The following MYO10 variants were observed in gnomAD, a reference collection of about 807,000 sequenced individuals.
MYO10 encodes myosin X.
MYO10 carries 133 observed loss-of-function variants against 257.3 expected under a neutral mutation model. That is an observed-to-expected ratio of 0.52 (90% CI 0.45 to 0.60). MYO10 has a LOEUF of 0.60. Among genes scored for constraint, MYO10 ranks in the 20% least tolerant of loss-of-function variants. The pLI is 0.00. For synonymous variants in MYO10, 1,104 were observed against 1,028.6 expected (o/e 1.07, Z -1.40); for missense variants, 2,399 against 2,635.7 (o/e 0.91, Z 1.97).
intron 1 of MYO10, among the ~76,000 whole-genome samples, chr5:16,891,075 G>C (rs1200247827): frequency 6.6e-6 from 1 of 151,706 alleles, no homozygotes; most frequent in Non-Finnish European, 1.5e-5. Flanking sequence ...ATGAGGTCAG[G>C]TGTTAGAGAC....
chr5:16,719,989 C>CGTGCGTGTGTGTGTGTGT (rs1554039262), intron 19 of MYO10, among the ~76,000 whole-genome samples: 5 of 143,442 alleles, frequency 3.5e-5, no homozygotes, highest in African/African-American at 1.3e-4. Context: ...TGTGTGCGTG[C>CGTGCGTGTGTGTGTGTGT]GTGTGTGTGT....
At chr5:16,746,054 T>C (rs1026317190) in intron 19 of MYO10, among the ~76,000 whole-genome samples, 6 of 152,224 alleles carry the variant, frequency 3.9e-5, no homozygotes, top group African/African-American at 7.2e-5. Flanking sequence ...GGCTACTCCA[T>C]AGACACAGCA....
intron 27 of MYO10, among the ~76,000 whole-genome samples, chr5:16,693,940 G>A (rs1737619941): frequency 6.6e-6 from 1 of 152,190 alleles, no homozygotes; most frequent in African/African-American, 2.4e-5. Flanking sequence ...TAACAGAAGA[G>A]AAGTGATTTA....
chr5:16,746,376 G>A (rs1483163903), intron 19 of MYO10, among the ~76,000 whole-genome samples: 2 of 152,108 alleles, frequency 1.3e-5, no homozygotes, highest in Admixed American at 6.6e-5. Flanking sequence ...GAATGGCTGC[G>A]TCTGAGAATG....
At chr5:16,815,583 G>A in intron 3 of MYO10, 1 of 631,284 alleles carries the variant, frequency 1.6e-6, no homozygotes, top group Non-Finnish European at 2.8e-6. Context: ...ACTACCAGGT[G>A]CCTGGCAGTG....
intron 27 of MYO10, among the ~76,000 whole-genome samples, chr5:16,694,106 C>A (rs1003278162): frequency 6.6e-6 from 1 of 152,222 alleles, no homozygotes; most frequent in African/African-American, 2.4e-5. Flanking sequence ...CATTCAATTC[C>A]GTTTCCACCA....
At chr5:16,675,713 GA>G (rs1736692715) in intron 34 of MYO10, among the ~76,000 whole-genome samples, 1 of 152,094 alleles carries the variant, frequency 6.6e-6, no homozygotes, top group Admixed American at 6.6e-5. Flanking sequence ...ACCCCAGCCT[GA>G]GTGACAGAGT....
intron 2 of MYO10, among the ~76,000 whole-genome samples, chr5:16,872,282 A>C (rs937804873): frequency 7.9e-5 from 12 of 152,230 alleles, no homozygotes; most frequent in Admixed American, 1.3e-4. Flanking sequence ...AAGTGAAATA[A>C]ACCAGCCACA....
chr5:16,855,975 C>T (rs1313937454), intron 2 of MYO10, among the ~76,000 whole-genome samples: 1 of 152,210 alleles, frequency 6.6e-6, no homozygotes, highest in East Asian at 1.9e-4. Context: ...AACATCCAAA[C>T]AGCAGCCAGA....
chr5:16,701,144 G>A lies in MYO10; in HGVS notation c.3251C>T (p.Ser1084Phe), dbSNP rs778914765. 12 of 1,601,788 alleles carry A rather than the reference G, an allele frequency of 7.5e-6. No individual in the cohort carries two copies. The highest frequency in any genetic ancestry group is 5.6e-5 in the South Asian group (5 of 88,846). Reference protein sequence around the residue: ...CMPQNAGDLPSPDGDYDYDQD... With the variant: ...CMPQNAGDLPFPDGDYDYDQD... ...GTCGTAGTCGTAGTCGCCGTCTGGG[G>A]AGGGCAAGTCCCCAGCGTTCTGGGG... Residue 1084 changes from serine (S) to phenylalanine (F), a missense_variant, in exon 25 of 41, where the codon TCC (serine) becomes TTC (phenylalanine). Physicochemically the swap from Ser to Phe is radical, Grantham distance 155. This residue lies in a region of MYO10 where 1,820 missense variants were observed against 1,939.4 expected (regional missense o/e 0.94). Coordinates refer to ENST00000513610, the MANE Select transcript of MYO10 (RefSeq NM_012334.3). This position sits in a 1 kb window ranked among gnomAD's most constrained non-coding sequence, Gnocchi z 8.1.
chr5:16,841,066 A>C (rs906860796), intron 2 of MYO10, among the ~76,000 whole-genome samples: 8 of 151,638 alleles, frequency 5.3e-5, no homozygotes, highest in African/African-American at 9.7e-5. Context: ...AATCGCTAGA[A>C]CCTGGAAAGC....
chr5:16,935,919 C>G lies in MYO10; in HGVS notation c.-111G>C, dbSNP rs1482089783. ...TCACGGCGCCACTCCCGAGGACGCG[C>G]GCCCGCGGGGCTCCCCTGCTGCCAT... is the stretch of plus-strand genomic sequence containing the variant. On this transcript the variant is annotated 5_prime_UTR_variant, in exon 1 of 41. Transcript: ENST00000513610. The G allele has an allele frequency of 2.2e-6, 3 of 1,368,120 alleles. No individual in the cohort carries two copies. Among genetic ancestry groups the G allele is most frequent in the Non-Finnish European group, 3.0e-6 (3 of 987,238 alleles). 84.7% of individuals were successfully genotyped at this position (1,368,120 alleles called of 1,614,324 possible).
intron 1 of MYO10, among the ~76,000 whole-genome samples, chr5:16,882,663 T>C (rs79352246): frequency 0.056 from 8,497 of 152,058 alleles, 476 homozygotes; most frequent in East Asian, 0.15. Context: ...AGGCTACATA[T>C]TGTGTGGTTC....
At chr5:16,884,020 C>T (rs181316923) in intron 1 of MYO10, among the ~76,000 whole-genome samples, 14 of 152,284 alleles carry the variant, frequency 9.2e-5, no homozygotes, top group Admixed American at 9.2e-4. Flanking sequence ...TGTTAAGTAC[C>T]TCAGTTCAGG....
chr5:16,704,489 A>C, intron 22 of MYO10, 90 bp downstream of exon 22: 6 of 1,141,630 alleles, frequency 5.3e-6, no homozygotes, highest in Non-Finnish European at 7.5e-6. Flanking sequence ...CTCAATTCAA[A>C]AACCTCAGGC....
chr5:16,829,914 C>T (rs548475218), intron 2 of MYO10, among the ~76,000 whole-genome samples: 4 of 152,056 alleles, frequency 2.6e-5, no homozygotes, highest in Non-Finnish European at 2.9e-5. Context: ...CACACGCACA[C>T]GCACACAAGA....
At chr5:16,932,741 C>T (rs1178180734) in intron 1 of MYO10, among the ~76,000 whole-genome samples, 7 of 152,044 alleles carry the variant, frequency 4.6e-5, no homozygotes, top group East Asian at 1.9e-4. Context: ...CCCCCTGGCG[C>T]GCAGTAAGAC....
intron 21 of MYO10, among the ~76,000 whole-genome samples, chr5:16,709,663 G>A (rs1368781746): frequency 6.6e-6 from 1 of 152,034 alleles, no homozygotes; most frequent in Non-Finnish European, 1.5e-5. Flanking sequence ...CCAAGATACA[G>A]GGACTGCAGG....
chr5:16,873,382 G>T (rs1053494281), intron 2 of MYO10, among the ~76,000 whole-genome samples: 1 of 152,158 alleles, frequency 6.6e-6, no homozygotes, highest in Non-Finnish European at 1.5e-5. Flanking sequence ...GGCTTTGCAG[G>T]GTACTGCCTC....
Sources: gnomAD v4.1 joint callset for allele counts (sites outside exome capture counted in the v4.1 genomes callset) on GRCh38, gnomAD v4.1.1 for gene constraint, gnomAD v4.1.1 regional missense constraint, Gnocchi (gnomAD v3.1) non-coding constraint, MANE v1.5 for transcripts, NCBI Gene and HGNC (gene_info 2026-07-23, HGNC 2026-07-21) for gene names.